PLOD2: variants seen among roughly 807,000 people sequenced by gnomAD.
The protein encoded by PLOD2 is procollagen-lysine,2-oxoglutarate 5-dioxygenase 2.
PLOD2 carries 65 observed loss-of-function variants against 101.0 expected under a neutral mutation model. The observed-to-expected ratio is 0.64, with a 90% CI of 0.53 to 0.79. The LOEUF is 0.79. Among genes scored for constraint, PLOD2 ranks in the 30% least tolerant of loss-of-function variants. The probability of loss-of-function intolerance (pLI) is 0.00; values close to 1 mark genes in which losing one functional copy is unlikely to be tolerated. For synonymous variants in PLOD2, 314 were observed against 302.9 expected, an observed-to-expected ratio of 1.04 and a Z score of -0.38; for missense variants, 909 against 914.6, an observed-to-expected ratio of 0.99 and a Z score of 0.08.
In PLOD2 at chr3:146,154,614, G is replaced by A. The variant is rs374654571; in HGVS notation, c.109+6267C>T. On this transcript the variant is annotated intron_variant, in intron 1 of 19. Coordinates refer to ENST00000282903, the MANE Select transcript of PLOD2 (RefSeq NM_182943.3). ...AACTTTAAACCTAATTTCTTATAGC[G>A]GAAAAGAAATTGTAAACATGAAGCA... Among the ~76,000 whole-genome samples the A allele has an allele frequency of 1.4e-4, 22 of 152,046 alleles. No homozygotes were observed. In the East Asian group the frequency reaches 1.9e-3, roughly 13 times the overall value.
At chr3:146,149,191 C>G (rs1220611777) in intron 1 of PLOD2, among the ~76,000 whole-genome samples, 1 of 152,168 alleles carries the variant, frequency 6.6e-6, no homozygotes, top group Non-Finnish European at 1.5e-5. Context: ...ATTTCACTGA[C>G]CCTCTCACTC....
chr3:146,106,591 G>A lies in PLOD2; in HGVS notation c.556C>T (p.Gln186Ter). The A allele has an allele frequency of 1.3e-6, 2 of 1,597,916 alleles. No individual in the cohort carries two copies. The highest frequency in any genetic ancestry group is 1.7e-6 in the Non-Finnish European group (2 of 1,165,428). The change falls in exon 5 of 20, where the codon CAG (glutamine) becomes TAG (stop). Residue 186 changes from glutamine to a stop codon, truncating the protein, a stop_gained. Coordinates refer to ENST00000282903, the MANE Select transcript of PLOD2 (RefSeq NM_182943.3). LOFTEE classifies it high-confidence loss of function. ...VNRIVQQWNL[Q>*]DNDDDQLFYT... is the part of the protein sequence containing the mutation. ...AAGAGCTGATCATCATCATTATCCT[G>A]GAGATTCCATTGTTGAACTATACGG...
At chr3:146,075,671 T>C (rs1014106235) in intron 15 of PLOD2, among the ~76,000 whole-genome samples, 4 of 151,678 alleles carry the variant, frequency 2.6e-5, no homozygotes, top group African/African-American at 9.7e-5. Flanking sequence ...ACAAAACTTT[T>C]TGAATTTTCT....
chr3:146,072,035 A>G (rs1004187373), intron 17 of PLOD2, among the ~76,000 whole-genome samples: 2 of 151,726 alleles, frequency 1.3e-5, no homozygotes, highest in African/African-American at 2.4e-5. Flanking sequence ...GTCTGTTCTC[A>G]GAGGGAAAGA....
chr3:146,124,189 A>T lies in PLOD2; in HGVS notation c.150T>A (p.Asp50Glu), dbSNP rs1467035933. ...LVITVATKES[D>E]GFHRFMQSAK... ...CTGACTGCATAAATCGATGGAATCC[A>T]TCACTTTCTTTTGTTGCTACAGTTA... Residue 50 changes from aspartate to glutamate, a missense_variant, in exon 2 of 20, where the codon GAT (aspartate) becomes GAA (glutamate). Physicochemically the swap from Asp to Glu is conservative, Grantham distance 45 (BLOSUM62 2). Transcript: ENST00000282903. 6.3e-7 allele frequency: 1 copy of T among 1,598,632 alleles called. No individual in the cohort carries two copies. Among genetic ancestry groups the T allele is most frequent in the African/African-American group, 1.3e-5 (1 of 74,712 alleles).
intron 8 of PLOD2, among the ~76,000 whole-genome samples, chr3:146,090,797 A>C (rs1394281965): frequency 1.3e-5 from 2 of 151,846 alleles, no homozygotes; most frequent in Admixed American, 1.3e-4. Context: ...TTGCATTTGC[A>C]TGGGTTCAGG....
chr3:146,127,595 G>T (rs181533718), intron 1 of PLOD2, among the ~76,000 whole-genome samples: 157 of 151,988 alleles, frequency 1.0e-3, no homozygotes, highest in Middle Eastern at 0.01. Flanking sequence ...TTTTAGGTTG[G>T]TTCCATGACT....
intron 1 of PLOD2, among the ~76,000 whole-genome samples, chr3:146,156,830 A>C (rs975917310): frequency 6.6e-6 from 1 of 152,266 alleles, no homozygotes; most frequent in Non-Finnish European, 1.5e-5. Context: ...AGCCTGAAGA[A>C]GGGGCACAGG....
chr3:146,160,814 T>A, intron 1 of PLOD2, 67 bp downstream of exon 1: 1 of 989,756 alleles, frequency 1.0e-6, no homozygotes, highest in South Asian at 1.4e-5. Context: ...GAAGGGCTGG[T>A]GGATGAATGA....
chr3:146,155,351 A>ATT (rs71304237), intron 1 of PLOD2, among the ~76,000 whole-genome samples: 104 of 151,970 alleles, frequency 6.8e-4, no homozygotes, highest in African/African-American at 2.3e-3. Flanking sequence ...TAATTAATTA[A>ATT]ATAACAGTCT....
chr3:146,142,913 C>T (rs2108127463), intron 1 of PLOD2, among the ~76,000 whole-genome samples: 1 of 152,238 alleles, frequency 6.6e-6, no homozygotes, highest in East Asian at 1.9e-4. Flanking sequence ...ATCTTACAGT[C>T]ATGTAGCCAG....
At chr3:146,072,230 G>A (rs1936169997) in intron 17 of PLOD2, among the ~76,000 whole-genome samples, 1 of 150,710 alleles carries the variant, frequency 6.6e-6, no homozygotes, top group South Asian at 2.1e-4. Flanking sequence ...AAAACGCAAG[G>A]AATAAAAAGT....
At chr3:146,105,287 G>C (rs1395802593) in intron 5 of PLOD2, 1 of 152,190 alleles carries the variant, frequency 6.6e-6, no homozygotes, top group African/African-American at 2.4e-5. Context: ...CTATAGCACA[G>C]TCCCGTGGAT....
chr3:146,091,104 T>C lies in PLOD2; in HGVS notation c.879+696A>G, dbSNP rs547256528. Reference sequence around the variant, plus strand: ...CAACTCTTTGTTCACCCTCAAAACATGAATGATAAAATATAACTATCTATG... The same window carrying C: ...CAACTCTTTGTTCACCCTCAAAACACGAATGATAAAATATAACTATCTATG... On this transcript the variant is annotated intron_variant, in intron 8 of 19. Coordinates refer to ENST00000282903, the MANE Select transcript of PLOD2 (RefSeq NM_182943.3). Among the ~76,000 whole-genome samples the C allele has an allele frequency of 2.0e-5, 3 of 152,006 alleles. No homozygotes were observed. The South Asian group carries it at 6.2e-4, about 32-fold the overall frequency.
rs753848468 is a variant in PLOD2, at chr3:146,110,375, AGACCACTTTGTGGTTTGCCT to A, written c.392_411del (p.Lys131IlefsTer11). On this transcript the variant is annotated frameshift_variant, in exon 4 of 20. Transcript: ENST00000282903. LOFTEE classifies it high-confidence loss of function. ...GGCCACAAAATTCCATCTGCTGCAA[AGACCACTTTGTGGTTTGCCT>A]TTTGGAATTTTTTTAGAACTTCTTC... is the stretch of plus-strand genomic sequence containing the variant. 6.2e-7 allele frequency: 1 copy of A among 1,613,626 alleles called. No individual in the cohort carries two copies. The highest frequency in any genetic ancestry group is 1.3e-5 in the African/African-American group (1 of 74,906).
chr3:146,069,958 A>G lies in PLOD2; in HGVS notation c.*759T>C, dbSNP rs192883327. On this transcript the variant is annotated 3_prime_UTR_variant, in exon 20 of 20. Transcript: ENST00000282903. ...CTGTTTGACTTAAGGACACTTGCTG[A>G]TCTTGACACTTGATAATACTTTAAG... The G allele has an allele frequency of 7.2e-5, 11 of 152,356 alleles. No individual in the cohort carries two copies. Among genetic ancestry groups the G allele is most frequent in the Admixed American group, 4.6e-4 (7 of 15,212 alleles). 9.4% of individuals were successfully genotyped at this position (152,356 alleles called of 1,614,324 possible).
intron 2 of PLOD2, 84 bp from the exon 3 acceptor site, chr3:146,121,332 G>T: frequency 9.1e-7 from 1 of 1,104,948 alleles, no homozygotes; most frequent in Non-Finnish European, 1.4e-6. Context: ...TCATCAACTT[G>T]AACAGTACTG....
At chr3:146,081,471 T>C (rs1184164757) in intron 12 of PLOD2, among the ~76,000 whole-genome samples, 4 of 152,158 alleles carry the variant, frequency 2.6e-5, no homozygotes, top group Non-Finnish European at 4.4e-5. Flanking sequence ...CTATCAACCA[T>C]AATGTGAGTA....
intron 8 of PLOD2, among the ~76,000 whole-genome samples, chr3:146,090,260 T>A (rs1936931412): frequency 1.3e-5 from 2 of 151,432 alleles, no homozygotes; most frequent in African/African-American, 4.8e-5. Context: ...TTTAACTACC[T>A]ACACAATTTT....
Sources: allele counts gnomAD v4.1 joint callset (sites outside exome capture counted in the v4.1 genomes callset), GRCh38; gene constraint gnomAD v4.1.1; transcripts MANE v1.5; gene names NCBI Gene and HGNC (gene_info 2026-07-23, HGNC 2026-07-21).